Variants in GTPBP4 observed in about 807,000 individuals in gnomAD.
The protein encoded by GTPBP4 is GTP binding protein 4.
A neutral mutation model predicts 81.7 loss-of-function variants in GTPBP4; 15 were observed. The observed-to-expected ratio is 0.18, with a 90% CI of 0.12 to 0.28. The LOEUF (loss-of-function observed/expected upper bound fraction) is 0.28, where lower values mean the gene tolerates loss of function less well. Ranked by LOEUF, GTPBP4 falls within the 10% of genes least tolerant of loss-of-function variation. The pLI is 1.00. For missense variants in GTPBP4, 847 were observed against 793.8 expected, an observed-to-expected ratio of 1.07 and a Z score of -0.81; for synonymous variants, 272 against 274.6, an observed-to-expected ratio of 0.99 and a Z score of 0.09.
At chr10:992,929 C>T (rs181291758) in intron 2 of GTPBP4, among the ~76,000 whole-genome samples, 2 of 152,328 alleles carry the variant, frequency 1.3e-5, no homozygotes, top group Admixed American at 1.3e-4. Flanking sequence ...TCTGTGTAAA[C>T]CCTGGGCTTG....
intron 8 of GTPBP4, among the ~76,000 whole-genome samples, chr10:1,005,378 C>G (rs936015007): frequency 6.6e-6 from 1 of 152,152 alleles, no homozygotes; most frequent in Admixed American, 6.5e-5. Flanking sequence ...ACCTCCTGAC[C>G]TCATGATCCA....
chr10:998,878 C>T, intron 5 of GTPBP4, 125 bp from the exon 6 acceptor site: 1 of 651,380 alleles, frequency 1.5e-6, no homozygotes, highest in South Asian at 1.7e-5. Flanking sequence ...CTATTCGATG[C>T]AGTTTTATCG....
chr10:994,924 A>T (rs1244429050), intron 2 of GTPBP4, among the ~76,000 whole-genome samples: 1 of 152,216 alleles, frequency 6.6e-6, no homozygotes, highest in Non-Finnish European at 1.5e-5. Flanking sequence ...AGTAAATAGC[A>T]TGTCAGATGA....
At chr10:1,007,984 T>C (rs1366150148) in intron 10 of GTPBP4, 1 of 517,330 alleles carries the variant, frequency 1.9e-6, no homozygotes. Context: ...TTTTTCTCTT[T>C]TTGTCACTTG....
chr10:1,013,852 G>C (rs1220093450), intron 14 of GTPBP4, among the ~76,000 whole-genome samples: 1 of 152,174 alleles, frequency 6.6e-6, no homozygotes, highest in Non-Finnish European at 1.5e-5. Context: ...TGGCGGACTT[G>C]GACATTTTTG....
intron 8 of GTPBP4, among the ~76,000 whole-genome samples, chr10:1,001,363 G>A (rs771656247): frequency 3.9e-5 from 6 of 152,210 alleles, no homozygotes; most frequent in Non-Finnish European, 7.4e-5. Context: ...TGAGTTTGGA[G>A]ACTAATGATT....
At chr10:1,005,474 G>A (rs150511587) in intron 8 of GTPBP4, among the ~76,000 whole-genome samples, 6 of 152,150 alleles carry the variant, frequency 3.9e-5, no homozygotes, top group Non-Finnish European at 7.4e-5. Flanking sequence ...GTATTTCATC[G>A]TCTTGCGTTT....
chr10:1,011,893 T>C (rs1280526740), intron 13 of GTPBP4, among the ~76,000 whole-genome samples: 1 of 152,232 alleles, frequency 6.6e-6, no homozygotes, highest in Non-Finnish European at 1.5e-5. Context: ...CGCACAGCTG[T>C]GCCCGTGCCA....
rs1460664801 is a variant in GTPBP4, at chr10:1,017,163, T to A, written c.1841T>A (p.Phe614Tyr). The A allele has an allele frequency of 1.2e-6, 2 of 1,613,962 alleles. No individual in the cohort carries two copies. The highest frequency in any genetic ancestry group is 4.5e-5 in the East Asian group (2 of 44,888). ...GKKGEADRHV[F>Y]DMKPKHLLSG... ...AAAGGGGAGGCGGATAGACACGTGTTTGATATGAAGCCCAAGCACTTGCTG... is the reference window on the plus strand; with the variant it reads ...AAAGGGGAGGCGGATAGACACGTGTATGATATGAAGCCCAAGCACTTGCTG... Residue 614 changes from phenylalanine (F) to tyrosine (Y), a missense_variant, in exon 17 of 17, where the codon TTT becomes TAT. Coordinates refer to ENST00000360803, the MANE Select transcript of GTPBP4 (RefSeq NM_012341.3).
chr10:995,342 C>G (rs1831519893), intron 2 of GTPBP4, among the ~76,000 whole-genome samples: 1 of 151,910 alleles, frequency 6.6e-6, no homozygotes, highest in South Asian at 2.1e-4. Context: ...CATGGCCAGC[C>G]CGCAGCGTTT....
At chr10:1,008,161 C>G (rs1007160839) in intron 10 of GTPBP4, 1 of 453,894 alleles carries the variant, frequency 2.2e-6, no homozygotes, top group African/African-American at 2.0e-5. Flanking sequence ...GTCTGTAATC[C>G]CAGCACTCTG....
chr10:992,447 G>A, intron 1 of GTPBP4, 42 bp from the exon 2 acceptor site: 2 of 1,148,986 alleles, frequency 1.7e-6, no homozygotes, highest in South Asian at 1.4e-5. Flanking sequence ...CTCAAAAGTA[G>A]ACCCTTTTGA....
rs1831833952 is a variant in GTPBP4 at position 1,010,488 on chromosome 10, A to G, written c.1312A>G (p.Ile438Val). 4 of 1,561,772 alleles carry G rather than the reference A, an allele frequency of 2.6e-6. No homozygotes were observed. Among genetic ancestry groups the G allele is most frequent in the Admixed American group, 3.3e-5 (2 of 59,846 alleles). ...KIPEIWEGHN[I>V]ADYIDPAIMK... ...ACCAGAAATCTGGGAAGGCCATAAT[A>G]TAGCTGATTATATTGATCCAGCCAT... The change falls in exon 13 of 17, where the codon ATA becomes GTA. Residue 438 changes from isoleucine to valine, a missense_variant. Ile to Val is a conservative substitution (Grantham distance 29). Coordinates refer to ENST00000360803, the MANE Select transcript of GTPBP4 (RefSeq NM_012341.3).
chr10:1,009,585 G>T lies in GTPBP4; in HGVS notation c.1243+5G>T. On this transcript the variant is annotated splice_donor_5th_base_variant and intron_variant, in intron 12 of 16. Coordinates refer to ENST00000360803, the MANE Select transcript of GTPBP4 (RefSeq NM_012341.3). Reference sequence around the variant, plus strand: ...ATTATATTTTGGATCTTCAGAGTAAGGGCCAGAGTGTGATCATTATTATAA... The same window carrying T: ...ATTATATTTTGGATCTTCAGAGTAATGGCCAGAGTGTGATCATTATTATAA... 1 of 1,530,250 alleles carries T rather than the reference G, an allele frequency of 6.5e-7. No individual in the cohort carries two copies. Among genetic ancestry groups the T allele is most frequent in the South Asian group, 1.1e-5 (1 of 89,392 alleles). 94.8% of individuals were successfully genotyped at this position (1,530,250 alleles called of 1,614,324 possible). A position where few individuals can be genotyped will look rare whatever the true frequency, so the allele number is the denominator to read the frequency against.
intron 1 of GTPBP4, chr10:988,936 T>G (rs1831392879): frequency 5.4e-6 from 1 of 184,800 alleles, no homozygotes; most frequent in South Asian, 1.5e-4. Context: ...CCCTCCCCTC[T>G]CAGGAATCCT....
intron 1 of GTPBP4, 73 bp from the exon 2 acceptor site, chr10:992,416 A>AG: frequency 1.1e-6 from 1 of 897,892 alleles, no homozygotes; most frequent in Non-Finnish European, 1.7e-6. Flanking sequence ...AAAAAAAAAA[A>AG]GGAAGGTTTC....
At chr10:991,117 T>C (rs1340191313) in intron 1 of GTPBP4, among the ~76,000 whole-genome samples, 1 of 151,212 alleles carries the variant, frequency 6.6e-6, no homozygotes, top group Non-Finnish European at 1.5e-5. Flanking sequence ...CTTGTCTCAC[T>C]TGTAGGCCCA....
intron 13 of GTPBP4, 81 bp from the exon 14 acceptor site, chr10:1,012,384 C>T: frequency 1.1e-6 from 1 of 944,708 alleles, no homozygotes; most frequent in South Asian, 1.6e-5. Flanking sequence ...AAACAAAGCT[C>T]CCATACACAC....
intron 11 of GTPBP4, 99 bp from the exon 12 acceptor site, chr10:1,009,430 G>C (rs1353470333): frequency 6.0e-6 from 5 of 839,872 alleles, no homozygotes; most frequent in Admixed American, 1.7e-5. Context: ...CTGATACTGA[G>C]AGGATTGGAG....
Sources: allele counts gnomAD v4.1 joint callset (sites outside exome capture counted in the v4.1 genomes callset), GRCh38; gene constraint gnomAD v4.1.1; transcripts MANE v1.5; gene names NCBI Gene and HGNC (gene_info 2026-07-23, HGNC 2026-07-21).